DLL3: variants seen among roughly 807,000 people sequenced by gnomAD.
DLL3 encodes the protein delta like canonical Notch ligand 3, also known as delta-like protein 3.
A neutral mutation model predicts 55.0 loss-of-function variants in DLL3; 49 were observed. The observed-to-expected ratio is 0.89, with a 90% confidence interval of 0.71 to 1.13. DLL3 has a LOEUF of 1.13. Ranked by LOEUF, DLL3 falls within the 50% of genes most tolerant of loss-of-function variation. The pLI is 0.00. For synonymous variants in DLL3, 421 were observed against 385.2 expected (o/e 1.09, Z -1.09); for missense variants, 962 against 875.5 (o/e 1.10, Z -1.25).
chr19:39,499,216 CT>C lies in DLL3; in HGVS notation c.95del (p.Leu32ArgfsTer33). ...PQTRPAGVFE[L>X]QIHSFGPGPG... Reference sequence around the variant, plus strand: ...GACACGGCCCGCTGGCGTCTTCGAGCTGCAGATCCACTCTTTCGGGCCGGGT... The same window carrying C: ...GACACGGCCCGCTGGCGTCTTCGAGCGCAGATCCACTCTTTCGGGCCGGGT... On this transcript the variant is annotated frameshift_variant, in exon 2 of 9. Coordinates refer to ENST00000356433, the MANE Select transcript of DLL3 (RefSeq NM_203486.3). LOFTEE classifies it high-confidence loss of function. 2 of 1,564,684 alleles carry C rather than the reference CT, an allele frequency of 1.3e-6. No homozygotes were observed. The highest frequency in any genetic ancestry group is 1.7e-6 in the Non-Finnish European group (2 of 1,160,214).
chr19:39,501,177 AT>A, intron 3 of DLL3, among the ~76,000 whole-genome samples: 1 of 151,646 alleles, frequency 6.6e-6, no homozygotes, highest in South Asian at 2.1e-4. Flanking sequence ...TTTTTTTTGT[AT>A]TTTTAGTAGA....
intron 4 of DLL3, among the ~76,000 whole-genome samples, 189 bp from the exon 5 acceptor site, chr19:39,503,882 G>A (rs1410852318): frequency 2.6e-5 from 4 of 152,096 alleles, no homozygotes; most frequent in Non-Finnish European, 5.9e-5. Context: ...CGTCTCTGTG[G>A]GCCTCAGTTT....
At chr19:39,502,206 A>AC (rs889813456) in intron 3 of DLL3, among the ~76,000 whole-genome samples, 11 of 151,844 alleles carry the variant, frequency 7.2e-5, no homozygotes, top group African/African-American at 2.2e-4. Context: ...ACAAAAAAAA[A>AC]ACAAATATCT....
At chr19:39,506,593 T>G (rs1208622301) in intron 6 of DLL3, among the ~76,000 whole-genome samples, 7 of 150,844 alleles carry the variant, frequency 4.6e-5, no homozygotes, top group African/African-American at 1.7e-4. Flanking sequence ...GTCAGGGCTG[T>G]GATGTAGGAG....
chr19:39,500,812 G>A (rs914291044), intron 3 of DLL3, 140 bp downstream of exon 3: 10 of 739,020 alleles, frequency 1.4e-5, no homozygotes, highest in Admixed American at 2.0e-5. Flanking sequence ...CAGGGCTCTT[G>A]GCATCTCAGG....
intron 5 of DLL3, 95 bp downstream of exon 5, chr19:39,504,383 G>A: frequency 4.4e-6 from 6 of 1,357,616 alleles, no homozygotes; most frequent in South Asian, 2.4e-5. Flanking sequence ...AGCCTGGGGA[G>A]GAGATCTGGG....
chr19:39,505,303 A>G lies in DLL3; in HGVS notation c.945A>G (p.Thr315=). 1.2e-6 allele frequency: 2 copies of G among 1,614,070 alleles called. No homozygotes were observed. Among genetic ancestry groups the G allele is most frequent in the South Asian group, 1.1e-5 (1 of 91,066 alleles). The change falls in exon 6 of 9, where the codon ACA becomes ACG. Residue 315 remains threonine (T), a synonymous_variant. Coordinates refer to ENST00000356433, the MANE Select transcript of DLL3 (RefSeq NM_203486.3). ...TGCGGTGTGAGGTGAGCGGGGTGAC[A>G]TGTGCAGATGGACCCTGCTTCAACG... ...YGLRCEVSGV[T]CADGPCFNGG...
rs1296561296 is a variant in DLL3 at position 39,507,600 on chromosome 19, G to A, written c.1655G>A (p.Gly552Asp). The A allele has an allele frequency of 4.4e-6, 7 of 1,608,320 alleles. No individual in the cohort carries two copies. In the African/African-American group the frequency reaches 6.7e-5, roughly 15 times the overall value. Residue 552 changes from glycine (G) to aspartate (D), a missense_variant, in exon 7 of 9, where the codon GGT (glycine) becomes GAT (aspartate). Gly to Asp is a moderately conservative substitution (Grantham distance 94). Coordinates refer to ENST00000356433, the MANE Select transcript of DLL3 (RefSeq NM_203486.3). ...DALNNLRTQE[G>D]SGDGPSSSVD... The stretch of plus-strand genomic sequence containing the variant: ...CTCAACAACCTAAGGACGCAGGAGG[G>A]TTCCGGGGATGGTCCGAGGTGAGGG...
intron 1 of DLL3, 42 bp downstream of exon 1, chr19:39,499,085 G>A (rs1322065357): frequency 6.2e-7 from 1 of 1,613,866 alleles, no homozygotes. Flanking sequence ...GGATGAATGC[G>A]GAGGGGAGGG....
chr19:39,504,254 A>T lies in DLL3; in HGVS notation c.836A>T (p.Asp279Val), dbSNP rs1267360834. Residue 279 changes from aspartate to valine, a missense_variant, in exon 5 of 9, where the codon GAC becomes GTC. Physicochemically the swap from Asp to Val is radical, Grantham distance 152 (BLOSUM62 -3). Transcript: ENST00000356433. The stretch of plus-strand genomic sequence containing the variant: ...CTTGTCCCTGGGCCTGGGCCCTGTG[A>T]CGGGAACCCGTGTGCCAATGGAGGC... ...GCLVPGPGPC[D>V]GNPCANGGSC... The T allele has an allele frequency of 3.1e-6, 5 of 1,612,932 alleles. No homozygotes were observed. The highest frequency in any genetic ancestry group is 4.2e-6 in the Non-Finnish European group (5 of 1,180,032).
intron 8 of DLL3, 109 bp from the exon 9 acceptor site, chr19:39,508,143 G>A: frequency 6.2e-7 from 1 of 1,613,862 alleles, no homozygotes; most frequent in Non-Finnish European, 8.5e-7. Context: ...GGCTTGAGGA[G>A]GTCACGATGC....
At chr19:39,499,996 C>G (rs59763849) in intron 2 of DLL3, among the ~76,000 whole-genome samples, 2,256 of 152,126 alleles carry the variant, frequency 0.015, 45 homozygotes, top group African/African-American at 0.051. Context: ...TGACCCTTGT[C>G]CTTTTGGACA....
chr19:39,505,306 T>C lies in DLL3; in HGVS notation c.948T>C (p.Cys316=), dbSNP rs1044831788. Residue 316 remains cysteine, a synonymous_variant, in exon 6 of 9, where the codon TGT becomes TGC. Transcript: ENST00000356433. ...GLRCEVSGVT[C]ADGPCFNGGL... is the part of the protein sequence containing the mutation. ...GGTGTGAGGTGAGCGGGGTGACATG[T>C]GCAGATGGACCCTGCTTCAACGGCG... is the stretch of plus-strand genomic sequence containing the variant. 1.2e-6 allele frequency: 2 copies of C among 1,614,082 alleles called. No homozygotes were observed. Among genetic ancestry groups the C allele is most frequent in the African/African-American group, 2.7e-5 (2 of 74,934 alleles).
Position 39,505,520 on chromosome 19 carries a change from T to G in DLL3, c.1093+69T>G, listed in dbSNP as rs117616223. The G allele has an allele frequency of 3.8e-6, 6 of 1,570,114 alleles. No individual in the cohort carries two copies. The East Asian group carries it at 6.7e-5, about 18-fold the overall frequency. ...CTGGATGGCTCAGACAGTCCAGGGT[T>G]GGAATCCTGGCTTTGACTCTTCTAA... On this transcript the variant is annotated intron_variant, in intron 6 of 8. Transcript: ENST00000356433.
rs1333569598 is a variant in DLL3 at position 39,507,185 on chromosome 19, C to T, written c.1240C>T (p.Arg414Cys). Residue 414 changes from arginine (R) to cysteine (C), a missense_variant, in exon 7 of 9, where the codon CGC becomes TGC. Physicochemically the swap from Arg to Cys is radical, Grantham distance 180 (BLOSUM62 -3). Coordinates refer to ENST00000356433, the MANE Select transcript of DLL3 (RefSeq NM_203486.3). ...GTCVEGGGAH[R>C]CSCALGFGGR... ...GTGTGTGGAGGGCGGCGGCGCGCAC[C>T]GCTGCTCCTGCGCGCTGGGCTTCGG... 3.8e-6 allele frequency: 5 copies of T among 1,331,752 alleles called. No homozygotes were observed. Among genetic ancestry groups the T allele is most frequent in the African/African-American group, 1.5e-5 (1 of 64,554 alleles). The allele number at this position is 1,331,752 out of a possible 1,614,324, so 82.5% of individuals were successfully genotyped here. A position where few individuals can be genotyped will look rare whatever the true frequency, so the allele number is the denominator to read the frequency against.
rs772167504 is a variant in DLL3 at position 39,499,386 on chromosome 19, G to C, written c.264G>C (p.Pro88=). Residue 88 remains proline (P), a synonymous_variant, in exon 2 of 9, where the codon CCG becomes CCC. Coordinates refer to ENST00000356433, the MANE Select transcript of DLL3 (RefSeq NM_203486.3). ...ALGAALSARG[P]VYTEQPGAPA... ...GCGCGGCGCTGAGTGCGCGCGGACC[G>C]GTCTACACCGAGCAGCCCGGAGCGC... 2 of 1,573,770 alleles carry C rather than the reference G, an allele frequency of 1.3e-6. No individual in the cohort carries two copies. Among genetic ancestry groups the C allele is most frequent in the Non-Finnish European group, 1.7e-6 (2 of 1,167,222 alleles).
Position 39,507,171 on chromosome 19 carries a change from G to T in DLL3, c.1226G>T (p.Gly409Val). Residue 409 changes from glycine to valine, a missense_variant, in exon 7 of 9, where the codon GGC becomes GTC. Coordinates refer to ENST00000356433, the MANE Select transcript of DLL3 (RefSeq NM_203486.3). ...GCTAACGGCGGCACGTGTGTGGAGGGCGGCGGCGCGCACCGCTGCTCCTGC... is the reference window on the plus strand; with the variant it reads ...GCTAACGGCGGCACGTGTGTGGAGGTCGGCGGCGCGCACCGCTGCTCCTGC... The part of the protein sequence containing the change: ...ACANGGTCVE[G>V]GGAHRCSCAL... The T allele has an allele frequency of 7.3e-7, 1 of 1,368,306 alleles. No homozygotes were observed. The highest frequency in any genetic ancestry group is 1.7e-5 in the South Asian group (1 of 57,582). 84.8% of individuals were successfully genotyped at this position (1,368,306 alleles called of 1,614,324 possible). A position where few individuals can be genotyped will look rare whatever the true frequency, so the allele number is the denominator to read the frequency against.
intron 4 of DLL3, 147 bp downstream of exon 4, chr19:39,503,204 T>G: frequency 1.2e-6 from 1 of 868,436 alleles, no homozygotes; most frequent in Non-Finnish European, 1.6e-6. Flanking sequence ...CAGGCACCCC[T>G]CTTCAGGGAG....
chr19:39,506,211 C>CAAAAAAA (rs541216671), intron 6 of DLL3, among the ~76,000 whole-genome samples: 4 of 54,520 alleles, frequency 7.3e-5, no homozygotes, highest in Non-Finnish European at 1.0e-4. Flanking sequence ...CACTCTGTCT[C>CAAAAAAA]AAAAAAAAAA....
Sources: allele counts gnomAD v4.1 joint callset (sites outside exome capture counted in the v4.1 genomes callset), GRCh38; gene constraint gnomAD v4.1.1; transcripts MANE v1.5; gene names NCBI Gene and HGNC (gene_info 2026-07-23, HGNC 2026-07-21).